The following TACR1 variants were observed in gnomAD, a reference collection of about 807,000 sequenced individuals.
TACR1 encodes the protein substance-P receptor.
A neutral mutation model predicts 35.8 loss-of-function variants in TACR1; 25 were observed. That is an observed-to-expected ratio of 0.70 (90% CI 0.51 to 0.98). The LOEUF (loss-of-function observed/expected upper bound fraction) is 0.98, where lower values mean the gene tolerates loss of function less well. Ranked by LOEUF, TACR1 falls within the 50% of genes least tolerant of loss-of-function variation. The pLI is 0.00. For synonymous variants in TACR1, 195 were observed against 206.7 expected (o/e 0.94, Z 0.48); for missense variants, 478 against 522.9 (o/e 0.91, Z 0.84).
At chr2:75,079,469 CTGCTGTCCACTG>C (rs1373676209) in intron 2 of TACR1, among the ~76,000 whole-genome samples, 1 of 152,176 alleles carries the variant, frequency 6.6e-6, no homozygotes, top group African/African-American at 2.4e-5. Context: ...GGTGTCCTCC[CTGCTGTCCACTG>C]GTAGCCCCAC....
At chr2:75,097,962 C>T (rs920883077) in intron 2 of TACR1, among the ~76,000 whole-genome samples, 1 of 152,178 alleles carries the variant, frequency 6.6e-6, no homozygotes, top group African/African-American at 2.4e-5. Context: ...ATTACAATTT[C>T]AAAATACAAT....
chr2:75,164,560 T>C (rs985071340), intron 1 of TACR1, among the ~76,000 whole-genome samples: 10 of 151,996 alleles, frequency 6.6e-5, no homozygotes, highest in African/African-American at 2.4e-4. Context: ...AGGACAATAG[T>C]CTTGGAAGAA....
chr2:75,058,713 A>C (rs1672617350), intron 2 of TACR1, among the ~76,000 whole-genome samples: 1 of 152,234 alleles, frequency 6.6e-6, no homozygotes, highest in Non-Finnish European at 1.5e-5. Context: ...GCAGTGAATG[A>C]GGCTTGACAC....
chr2:75,097,539 C>T (rs1250393108), intron 2 of TACR1, among the ~76,000 whole-genome samples: 2 of 152,010 alleles, frequency 1.3e-5, no homozygotes. Context: ...TCATGGGGCT[C>T]AACATGTTAA....
chr2:75,077,634 C>T (rs1014401695), intron 2 of TACR1, among the ~76,000 whole-genome samples: 1 of 152,136 alleles, frequency 6.6e-6, no homozygotes, highest in African/African-American at 2.4e-5. Flanking sequence ...ATTCCTGTGT[C>T]CATTTATTGA....
chr2:75,195,083 C>T (rs1186902352), intron 1 of TACR1, among the ~76,000 whole-genome samples: 1 of 151,996 alleles, frequency 6.6e-6, no homozygotes, highest in Non-Finnish European at 1.5e-5. Flanking sequence ...TCTCTGTGTC[C>T]CCCATCTTCA....
chr2:75,111,220 A>G (rs763220644), intron 2 of TACR1, among the ~76,000 whole-genome samples: 2 of 152,020 alleles, frequency 1.3e-5, no homozygotes, highest in Non-Finnish European at 2.9e-5. Context: ...ATCTACTTAT[A>G]TATGCAAACC....
intron 2 of TACR1, among the ~76,000 whole-genome samples, chr2:75,067,033 A>T (rs1365971241): frequency 6.6e-6 from 1 of 152,204 alleles, no homozygotes; most frequent in Non-Finnish European, 1.5e-5. Context: ...TGCAATTGAG[A>T]CAGAAAGTCT....
At chr2:75,167,423 A>G (rs565268162) in intron 1 of TACR1, among the ~76,000 whole-genome samples, 64 of 152,354 alleles carry the variant, frequency 4.2e-4, no homozygotes, top group African/African-American at 1.5e-3. Flanking sequence ...CTAATAATCA[A>G]AACATTGTGA....
intron 1 of TACR1, among the ~76,000 whole-genome samples, chr2:75,195,253 T>C (rs12328390): frequency 0.034 from 5,239 of 152,278 alleles, 303 homozygotes; most frequent in African/African-American, 0.12. Flanking sequence ...CATTTGTCTC[T>C]GAAACATTTT....
chr2:75,170,303 T>C (rs1675245854), intron 1 of TACR1, among the ~76,000 whole-genome samples: 1 of 152,336 alleles, frequency 6.6e-6, no homozygotes, highest in Non-Finnish European at 1.5e-5. Context: ...CTCTTGCCTG[T>C]TGCCATGTAA....
At chr2:75,069,292 G>A (rs1181616960) in intron 2 of TACR1, among the ~76,000 whole-genome samples, 1 of 147,524 alleles carries the variant, frequency 6.8e-6, no homozygotes, top group African/African-American at 2.6e-5. Context: ...GACTAATACA[G>A]TATATACATA....
intron 2 of TACR1, among the ~76,000 whole-genome samples, chr2:75,094,861 T>A (rs4853104): frequency 0.1 from 6,298 of 60,362 alleles, 192 homozygotes; most frequent in Middle Eastern, 0.14. Context: ...ATATATATAT[T>A]TTTTTTTTTT....
chr2:75,051,506 T>C, intron 3 of TACR1, 59 bp from the exon 4 acceptor site: 1 of 1,596,774 alleles, frequency 6.3e-7, no homozygotes, highest in Admixed American at 1.7e-5. Context: ...CACGGCTGCT[T>C]CCTCTCTCCT....
At chr2:75,143,692 G>T (rs565353200) in intron 1 of TACR1, among the ~76,000 whole-genome samples, 34 of 152,310 alleles carry the variant, frequency 2.2e-4, no homozygotes, top group Admixed American at 9.2e-4. Context: ...TATTAGGTTG[G>T]TGCAAAATAA....
chr2:75,049,809 G>A (rs1672433945), intron 4 of TACR1, 86 bp from the exon 5 acceptor site: 2 of 1,383,300 alleles, frequency 1.4e-6, no homozygotes. Context: ...GTTAACACAT[G>A]GACATACCCA....
At chr2:75,175,906 C>T (rs1454951198) in intron 1 of TACR1, among the ~76,000 whole-genome samples, 3 of 150,936 alleles carry the variant, frequency 2.0e-5, no homozygotes, top group Non-Finnish European at 4.4e-5. Context: ...AAGCTAACTA[C>T]CATATACATC....
chr2:75,058,470 G>A (rs1022784004), intron 2 of TACR1, among the ~76,000 whole-genome samples: 1 of 152,114 alleles, frequency 6.6e-6, no homozygotes, highest in African/African-American at 2.4e-5. Context: ...ATCTGCCTTG[G>A]GAGAAGAGAT....
intron 1 of TACR1, chr2:75,154,488 C>CCACACA (rs71245356): frequency 0.019 from 1,042 of 53,590 alleles, 93 homozygotes; most frequent in Non-Finnish European, 0.024. Flanking sequence ...CACTAACCCA[C>CCACACA]CACACACACA....
Sources: gnomAD v4.1 joint callset for allele counts (sites outside exome capture counted in the v4.1 genomes callset) on GRCh38, gnomAD v4.1.1 for gene constraint, MANE v1.5 for transcripts, NCBI Gene and HGNC (gene_info 2026-07-23, HGNC 2026-07-21) for gene names.